The following OR56A3 variants were observed in gnomAD, a reference collection of about 807,000 sequenced individuals.
The protein encoded by OR56A3 is olfactory receptor 56A3.
A neutral mutation model predicts 17.5 loss-of-function variants in OR56A3; 23 were observed. The ratio of observed to expected loss-of-function variants is 1.32; its 90% confidence interval spans 0.95 to 1.87. The LOEUF (loss-of-function observed/expected upper bound fraction) is 1.87, where lower values mean the gene tolerates loss of function less well. OR56A3 is among the 40% of genes most tolerant of loss of function. The probability of loss-of-function intolerance (pLI) is 0.00; values close to 1 mark genes in which losing one functional copy is unlikely to be tolerated. For synonymous variants in OR56A3, 175 were observed against 150.6 expected, an observed-to-expected ratio of 1.16 and a Z score of -1.19; for missense variants, 366 against 380.1, an observed-to-expected ratio of 0.96 and a Z score of 0.31.
the OR56A3 span, chr11:6,003,270 G>A: frequency 6.6e-6 from 4 of 604,616 alleles, no homozygotes; most frequent in Admixed American, 3.6e-5. Flanking sequence ...TAATGTTACA[G>A]GTAATAAAAT....
the OR56A3 span, chr11:6,001,957 G>A: frequency 2.3e-6 from 3 of 1,304,024 alleles, no homozygotes; most frequent in African/African-American, 4.4e-5. Flanking sequence ...AGGATTTAAA[G>A]TGAAATTTCC....
Position 5,950,393 on chromosome 11 carries a change from G to A in OR56A3, c.*2099G>A, listed in dbSNP as rs1295266106. On this transcript the variant is annotated 3_prime_UTR_variant, in exon 3 of 3. Coordinates refer to ENST00000641160, the MANE Select transcript of OR56A3 (RefSeq NM_001003443.3). ...AAAAGTTCATATTTTAAAAGTATTT[G>A]CCTGAAAAATCTGTTTTGCTTCACT... 6.6e-6 allele frequency: 1 copy of A among 152,034 alleles called. No homozygotes were observed. Among genetic ancestry groups the A allele is most frequent in the Admixed American group, 6.5e-5 (1 of 15,268 alleles). 9.4% of individuals were successfully genotyped at this position (152,034 alleles called of 1,614,324 possible).
the OR56A3 span, among the ~76,000 whole-genome samples, chr11:6,004,115 A>T: frequency 6.6e-6 from 1 of 152,146 alleles, no homozygotes; most frequent in Non-Finnish European, 1.5e-5. Flanking sequence ...TAGCTTTGGG[A>T]GGCCAAGGGA....
the OR56A3 span, among the ~76,000 whole-genome samples, chr11:5,957,617 C>T: frequency 2.0e-5 from 3 of 152,096 alleles, no homozygotes; most frequent in South Asian, 4.1e-4. Context: ...CTCTGAAGCC[C>T]GCAAGATTCT....
the OR56A3 span, chr11:6,006,475 C>T: frequency 6.6e-6 from 1 of 152,150 alleles, no homozygotes; most frequent in Non-Finnish European, 1.5e-5. Flanking sequence ...TGGTATCTGA[C>T]CATGAGTCAT....
At chr11:5,962,360 G>T in the OR56A3 span, among the ~76,000 whole-genome samples, 1 of 152,224 alleles carries the variant, frequency 6.6e-6, no homozygotes, top group South Asian at 2.1e-4. Context: ...TTCTTTGTGT[G>T]TGCGTGTTCT....
At chr11:6,013,042 G>C in the OR56A3 span, among the ~76,000 whole-genome samples, 1 of 152,212 alleles carries the variant, frequency 6.6e-6, no homozygotes, top group African/African-American at 2.4e-5. Context: ...AGAAAGGCCC[G>C]GGTCTACAGC....
chr11:5,996,646 G>A, the OR56A3 span, among the ~76,000 whole-genome samples: 1 of 152,200 alleles, frequency 6.6e-6, no homozygotes, highest in Non-Finnish European at 1.5e-5. Context: ...TGTTAACAAA[G>A]GATGACGAAA....
chr11:5,975,426 C>G, the OR56A3 span, among the ~76,000 whole-genome samples: 1 of 140,116 alleles, frequency 7.1e-6, no homozygotes, highest in African/African-American at 2.7e-5. Flanking sequence ...TCTCATTGTT[C>G]AATTCCCACC....
the OR56A3 span, among the ~76,000 whole-genome samples, chr11:5,972,478 A>G: frequency 6.6e-6 from 1 of 152,114 alleles, no homozygotes; most frequent in African/African-American, 2.4e-5. Flanking sequence ...CAGAGGATAC[A>G]ACAGATTAGG....
the OR56A3 span, chr11:6,006,282 C>G: frequency 1.3e-5 from 2 of 152,238 alleles, no homozygotes; most frequent in East Asian, 1.9e-4. Flanking sequence ...ATGATTTTTC[C>G]TCCCTCTGAA....
chr11:5,973,539 A>C, the OR56A3 span, among the ~76,000 whole-genome samples: 1 of 152,182 alleles, frequency 6.6e-6, no homozygotes, highest in Admixed American at 6.5e-5. Context: ...GTGGATGATT[A>C]TTCCTGCCAT....
the OR56A3 span, among the ~76,000 whole-genome samples, chr11:5,988,873 C>T: frequency 3.3e-5 from 5 of 152,162 alleles, no homozygotes; most frequent in African/African-American, 4.8e-5. Context: ...AAAGGACAGG[C>T]GTAGTCTGAA....
the OR56A3 span, among the ~76,000 whole-genome samples, chr11:5,970,063 G>A: frequency 2.6e-5 from 4 of 152,220 alleles, no homozygotes; most frequent in African/African-American, 9.6e-5. Context: ...TGTGGAGGCA[G>A]AGATTATGGA....
At chr11:5,967,389 A>T in the OR56A3 span, among the ~76,000 whole-genome samples, 132 of 152,366 alleles carry the variant, frequency 8.7e-4, 1 homozygote, top group Non-Finnish European at 9.7e-4. Context: ...TGAAACAGAA[A>T]GCAGGATCCA....
chr11:6,009,331 T>C, the OR56A3 span, among the ~76,000 whole-genome samples: 1 of 152,152 alleles, frequency 6.6e-6, no homozygotes, highest in African/African-American at 2.4e-5. Context: ...AGGGTTTCTC[T>C]CTCTCAGTTT....
chr11:5,989,420 ATAAAG>A, the OR56A3 span, among the ~76,000 whole-genome samples: 6 of 150,014 alleles, frequency 4.0e-5, no homozygotes, highest in South Asian at 8.5e-4. Flanking sequence ...AGAGAAGTAA[ATAAAG>A]TAAATAAAGT....
chr11:6,003,842 T>C, the OR56A3 span, among the ~76,000 whole-genome samples: 5 of 152,212 alleles, frequency 3.3e-5, no homozygotes, highest in African/African-American at 9.7e-5. Flanking sequence ...AGTAAATATA[T>C]GCAAGAACCC....
At chr11:5,997,223 T>C in the OR56A3 span, among the ~76,000 whole-genome samples, 2 of 152,308 alleles carry the variant, frequency 1.3e-5, no homozygotes, top group African/African-American at 2.4e-5. Flanking sequence ...TTTTGGGATA[T>C]TGGCAATATT....
Sources: gnomAD v4.1 joint callset for allele counts (sites outside exome capture counted in the v4.1 genomes callset) on GRCh38, gnomAD v4.1.1 for gene constraint, MANE v1.5 for transcripts, NCBI Gene and HGNC (gene_info 2026-07-23, HGNC 2026-07-21) for gene names.